The following LRBA variants were observed in gnomAD, a reference collection of about 807,000 sequenced individuals.
The protein encoded by LRBA is LPS responsive beige-like anchor protein, also known as lipopolysaccharide-responsive and beige-like anchor protein.
In LRBA, 176 loss-of-function variants were observed where a neutral mutation model predicts 330.0. That is an observed-to-expected ratio of 0.53 (90% CI 0.47 to 0.60). LRBA has a LOEUF of 0.60. Ranked by LOEUF, LRBA falls within the 20% of genes least tolerant of loss-of-function variation. LRBA has a pLI of 0.00. For synonymous variants in LRBA, 1,230 were observed against 1,193.0 expected, an observed-to-expected ratio of 1.03 and a Z score of -0.64; for missense variants, 3,259 against 3,444.8, an observed-to-expected ratio of 0.95 and a Z score of 1.35.
At chr4:151,004,379 G>A (rs539131208) in intron 2 of LRBA, among the ~76,000 whole-genome samples, 2 of 152,244 alleles carry the variant, frequency 1.3e-5, no homozygotes, top group East Asian at 1.9e-4. Flanking sequence ...ATCTGATAAC[G>A]GAGACGGCAA....
intron 48 of LRBA, among the ~76,000 whole-genome samples, chr4:150,349,195 G>T (rs979680942): frequency 6.6e-6 from 1 of 152,076 alleles, no homozygotes; most frequent in African/African-American, 2.4e-5. Flanking sequence ...AACTATAAAA[G>T]AATGCATCAA....
At chr4:150,732,560 C>T (rs1261242224) in intron 36 of LRBA, among the ~76,000 whole-genome samples, 2 of 151,966 alleles carry the variant, frequency 1.3e-5, no homozygotes, top group African/African-American at 2.4e-5. Context: ...CATATGTTTA[C>T]TGGTCACTTT....
chr4:150,860,717 C>T (rs1751803173), intron 22 of LRBA, among the ~76,000 whole-genome samples: 1 of 151,966 alleles, frequency 6.6e-6, no homozygotes, highest in Non-Finnish European at 1.5e-5. Flanking sequence ...GTCCCAGCTA[C>T]TCAGGGAGGC....
intron 35 of LRBA, among the ~76,000 whole-genome samples, chr4:150,744,386 T>C (rs1732415690): frequency 6.6e-6 from 1 of 152,216 alleles, no homozygotes; most frequent in Non-Finnish European, 1.5e-5. Context: ...CCCTCTTCTC[T>C]ACCACCTTCC....
At chr4:150,540,114 T>A (rs1765156397) in intron 40 of LRBA, among the ~76,000 whole-genome samples, 1 of 152,240 alleles carries the variant, frequency 6.6e-6, no homozygotes, top group Non-Finnish European at 1.5e-5. Flanking sequence ...ACCTAGGTTT[T>A]ACGGACATTT....
chr4:150,849,669 G>C lies in LRBA; in HGVS notation c.4005-94C>G, dbSNP rs1750365939. On this transcript the variant is annotated intron_variant, in intron 24 of 56. Coordinates refer to ENST00000651943, the MANE Select transcript of LRBA (RefSeq NM_001364905.1). ...GGAGGAAAGATAAGAAGGTGCTTTTGCTTCATCTTGAAAACTGAAGGAAGA... is the reference window on the plus strand; with the variant it reads ...GGAGGAAAGATAAGAAGGTGCTTTTCCTTCATCTTGAAAACTGAAGGAAGA... The C allele has an allele frequency of 4.1e-6, 4 of 970,506 alleles. No homozygotes were observed. The Admixed American group carries it at 8.1e-5, about 20-fold the overall frequency. The allele number at this position is 970,506 out of a possible 1,614,324, so 60.1% of individuals were successfully genotyped here.
At chr4:150,789,081 T>C (rs190126090) in intron 34 of LRBA, among the ~76,000 whole-genome samples, 1 of 151,644 alleles carries the variant, frequency 6.6e-6, no homozygotes. Flanking sequence ...CTCAAAAAAA[T>C]ATATATATAT....
chr4:150,843,481 T>C (rs1311033612), intron 28 of LRBA, among the ~76,000 whole-genome samples: 1 of 152,196 alleles, frequency 6.6e-6, no homozygotes, highest in Non-Finnish European at 1.5e-5. Flanking sequence ...ACATAAGAAT[T>C]AGCAATGTTT....
chr4:150,947,013 C>A (rs898709026), intron 2 of LRBA, among the ~76,000 whole-genome samples: 14 of 151,368 alleles, frequency 9.2e-5, no homozygotes, highest in African/African-American at 3.4e-4. Flanking sequence ...TGGAAGCTAC[C>A]ACTACTTGCC....
chr4:150,761,881 T>C (rs755343961), intron 34 of LRBA, 34 bp from the exon 35 acceptor site: 1 of 1,062,320 alleles, frequency 9.4e-7, no homozygotes, highest in South Asian at 1.5e-5. Flanking sequence ...GCTGAAGAAA[T>C]GTCACTCAGT....
intron 53 of LRBA, among the ~76,000 whole-genome samples, chr4:150,287,709 A>G (rs1189973810): frequency 6.6e-6 from 1 of 152,228 alleles, no homozygotes; most frequent in Non-Finnish European, 1.5e-5. Flanking sequence ...TGCTGGACCT[A>G]GCCTACAGGC....
intron 22 of LRBA, among the ~76,000 whole-genome samples, chr4:150,857,381 T>C (rs1043299314): frequency 2.6e-5 from 4 of 152,154 alleles, no homozygotes; most frequent in African/African-American, 4.8e-5. Flanking sequence ...TTTATAAAGA[T>C]AGGAAGAACA....
chr4:150,649,843 A>G (rs944037910), intron 37 of LRBA, among the ~76,000 whole-genome samples: 2 of 152,318 alleles, frequency 1.3e-5, no homozygotes. Flanking sequence ...ATAAATTATT[A>G]TTCCAAGATG....
chr4:150,529,728 A>C (rs1763858405), intron 40 of LRBA, among the ~76,000 whole-genome samples: 1 of 141,306 alleles, frequency 7.1e-6, no homozygotes, highest in African/African-American at 2.8e-5. Flanking sequence ...TCTCAAAAAA[A>C]AAAAGAAAAA....
At chr4:150,743,713 A>C (rs993862494) in intron 35 of LRBA, among the ~76,000 whole-genome samples, 14 of 152,214 alleles carry the variant, frequency 9.2e-5, no homozygotes, top group African/African-American at 3.4e-4. Context: ...GTTGTGAAAA[A>C]GACCATGTGT....
At chr4:150,463,080 T>C (rs969842696) in intron 44 of LRBA, among the ~76,000 whole-genome samples, 3 of 151,982 alleles carry the variant, frequency 2.0e-5, no homozygotes, top group African/African-American at 4.8e-5. Flanking sequence ...TTTTCAAATA[T>C]CTGATGTGCT....
chr4:150,829,109 AT>A (rs1304569315), intron 29 of LRBA, among the ~76,000 whole-genome samples: 1 of 151,718 alleles, frequency 6.6e-6, no homozygotes, highest in South Asian at 2.1e-4. Context: ...TAATTTTTCT[AT>A]TTTTTTGTAG....
At chr4:150,468,263 C>T (rs183096261) in intron 43 of LRBA, among the ~76,000 whole-genome samples, 7 of 152,118 alleles carry the variant, frequency 4.6e-5, no homozygotes, top group Admixed American at 4.6e-4. Context: ...CCCTGGTGGA[C>T]ATTCACCAGT....
rs547927433 is a variant in LRBA at position 150,367,944 on chromosome 4, T to C, written c.7195-17785A>G. 4.6e-5 allele frequency among the ~76,000 whole-genome samples: 7 copies of C among 152,300 alleles called. No individual in the cohort carries two copies. The South Asian group carries it at 1.5e-3, about 32-fold the overall frequency. Reference sequence around the variant, plus strand: ...AATCCCTAAACTCTATCTCTGGATATTTTCTGTAACTTTAGAAATGGTAAT... The same window carrying C: ...AATCCCTAAACTCTATCTCTGGATACTTTCTGTAACTTTAGAAATGGTAAT... On this transcript the variant is annotated intron_variant, in intron 47 of 56. Transcript: ENST00000651943.
Sources: allele counts gnomAD v4.1 joint callset (sites outside exome capture counted in the v4.1 genomes callset), GRCh38; gene constraint gnomAD v4.1.1; transcripts MANE v1.5; gene names NCBI Gene and HGNC (gene_info 2026-07-23, HGNC 2026-07-21).